The following PTPN22 variants were observed in gnomAD, a reference collection of about 807,000 sequenced individuals.
PTPN22 encodes the protein tyrosine-protein phosphatase non-receptor type 22.
Under a neutral mutation model 103.3 loss-of-function variants are expected in PTPN22, and 85 were observed. That is an observed-to-expected ratio of 0.82 (90% CI 0.69 to 0.99). The LOEUF is 0.99. Among genes scored for constraint, PTPN22 ranks in the 50% least tolerant of loss-of-function variants. PTPN22 has a pLI of 0.00. For synonymous variants in PTPN22, 323 were observed against 310.2 expected (o/e 1.04, Z -0.43); for missense variants, 865 against 936.9 (o/e 0.92, Z 1.00).
intron 1 of PTPN22, among the ~76,000 whole-genome samples, chr1:113,864,778 GAC>G: frequency 6.6e-6 from 1 of 152,252 alleles, no homozygotes; most frequent in East Asian, 1.9e-4. Flanking sequence ...CGGGCATGGT[GAC>G]ACACACCTGT....
chr1:113,822,590 T>C (rs1661702660), intron 19 of PTPN22, among the ~76,000 whole-genome samples: 1 of 152,148 alleles, frequency 6.6e-6, no homozygotes, highest in East Asian at 1.9e-4. Context: ...GTTCCCTCTA[T>C]CTGAAATACT....
exon 12 of PTPN22, chr1:113,838,560 G>A (rs1353430080): frequency 1.2e-6 from 2 of 1,612,550 alleles, no homozygotes; most frequent in African/African-American, 2.7e-5. Context: ...GGTAAATTAG[G>A]AGAATAAGAG....
At chr1:113,850,012 G>A (rs1288678654) in intron 10 of PTPN22, among the ~76,000 whole-genome samples, 1 of 151,914 alleles carries the variant, frequency 6.6e-6, no homozygotes, top group Non-Finnish European at 1.5e-5. Context: ...TGGCCAGCAT[G>A]GTGAAACCCC....
chr1:113,863,655 C>G lies in PTPN22; in HGVS notation c.88-4195G>C, dbSNP rs926931518. 3.9e-5 allele frequency among the ~76,000 whole-genome samples: 6 copies of G among 152,096 alleles called. No individual in the cohort carries two copies. In the East Asian group the frequency reaches 1.2e-3, roughly 29 times the overall value. On this transcript the variant is annotated intron_variant, in intron 1 of 20. Transcript: ENST00000359785. ...TTGTGCACTTGCTCTGTAGGAAGTA[C>G]CTTGTTGATAACTGTTTGGTTAGTA... is the stretch of plus-strand genomic sequence containing the variant.
chr1:113,827,932 A>T (rs1445780323), intron 18 of PTPN22, among the ~76,000 whole-genome samples: 1 of 152,194 alleles, frequency 6.6e-6, no homozygotes, highest in Admixed American at 6.5e-5. Context: ...AAACTTTTGG[A>T]ATTTACCATT....
intron 11 of PTPN22, among the ~76,000 whole-genome samples, chr1:113,848,072 A>T (rs1664251402): frequency 6.6e-6 from 1 of 151,962 alleles, no homozygotes; most frequent in Non-Finnish European, 1.5e-5. Flanking sequence ...TCTTTGAGAC[A>T]GGGTCTCACT....
Position 113,824,106 on chromosome 1 carries a change from C to CTT in PTPN22, c.2281+1034_2281+1035dup, listed in dbSNP as rs57935879. Among the ~76,000 whole-genome samples, 133 of 146,754 alleles carry CTT rather than the reference C, an allele frequency of 9.1e-4. 1 individual carries two copies. Among genetic ancestry groups the CTT allele is most frequent in the African/African-American group, 1.9e-3 (76 of 40,110 alleles). ...TTTTTTTAAGATTGTCACCATGGTTCTTTTTTTTTTTTTGAGACGGAGTCT... is the reference window on the plus strand; with the variant it reads ...TTTTTTTAAGATTGTCACCATGGTTCTTTTTTTTTTTTTTTGAGACGGAGTCT... On this transcript the variant is annotated intron_variant, in intron 19 of 20. Coordinates refer to ENST00000359785, the Ensembl canonical transcript of PTPN22.
chr1:113,865,377 A>G (rs1666035873), intron 1 of PTPN22, among the ~76,000 whole-genome samples: 1 of 151,666 alleles, frequency 6.6e-6, no homozygotes, highest in Non-Finnish European at 1.5e-5. Flanking sequence ...AGGCTTTGAA[A>G]AAAAACAGAC....
exon 13 of PTPN22, chr1:113,837,835 G>A: frequency 6.2e-6 from 10 of 1,613,660 alleles, no homozygotes; most frequent in Non-Finnish European, 8.5e-6. Context: ...TACACCAAGA[G>A]CACTAGAGTC....
chr1:113,827,809 C>T (rs865837410), intron 18 of PTPN22, among the ~76,000 whole-genome samples: 9 of 152,122 alleles, frequency 5.9e-5, no homozygotes, highest in South Asian at 4.2e-4. Flanking sequence ...TAGCAAGACC[C>T]CATCTCTAAT....
chr1:113,859,314 G>A, intron 2 of PTPN22, 38 bp downstream of exon 2: 1 of 1,577,574 alleles, frequency 6.3e-7, no homozygotes, highest in Non-Finnish European at 8.7e-7. Flanking sequence ...ATTGAATTTG[G>A]GAGAAAGTAT....
chr1:113,870,925 C>T (rs1188167280), intron 1 of PTPN22, among the ~76,000 whole-genome samples: 1 of 152,088 alleles, frequency 6.6e-6, no homozygotes, highest in Non-Finnish European at 1.5e-5. Context: ...CCCAGCTACT[C>T]AGGAGGCTGA....
intron 20 of PTPN22, among the ~76,000 whole-genome samples, chr1:113,815,744 T>C (rs1178317576): frequency 6.6e-6 from 1 of 152,202 alleles, no homozygotes; most frequent in Admixed American, 6.5e-5. Context: ...AGTGGCGCGA[T>C]CTCGGCCCAC....
intron 1 of PTPN22, among the ~76,000 whole-genome samples, chr1:113,863,759 T>G (rs1339663918): frequency 6.6e-6 from 1 of 152,110 alleles, no homozygotes; most frequent in Non-Finnish European, 1.5e-5. Flanking sequence ...ATCTTTGATA[T>G]GTCTCTGGTC....
chr1:113,824,625 A>C (rs1661889996), intron 19 of PTPN22, among the ~76,000 whole-genome samples: 2 of 152,178 alleles, frequency 1.3e-5, no homozygotes. Context: ...GACTATTTTC[A>C]AAGAAAATAC....
intron 12 of PTPN22, 48 bp from the exon 13 acceptor site, chr1:113,838,455 C>A (rs74163652): frequency 6.3e-7 from 1 of 1,585,424 alleles, no homozygotes; most frequent in Non-Finnish European, 8.6e-7. Context: ...CCAAACAGGC[C>A]GCTTCCTAGC....
chr1:113,865,773 T>C (rs552263985), intron 1 of PTPN22, among the ~76,000 whole-genome samples: 5 of 152,308 alleles, frequency 3.3e-5, no homozygotes, highest in African/African-American at 1.2e-4. Flanking sequence ...TCAATAATCA[T>C]GAAAAACTAG....
intron 15 of PTPN22, 125 bp from the exon 16 acceptor site, chr1:113,833,263 G>T: frequency 1.5e-6 from 1 of 651,616 alleles, no homozygotes; most frequent in Non-Finnish European, 2.4e-6. Context: ...ATGAAATGTA[G>T]ACCCTATTTT....
At chr1:113,814,225 G>C (rs894753795) in exon 21 of PTPN22, 1 of 152,174 alleles carries the variant, frequency 6.6e-6, no homozygotes, top group African/African-American at 2.4e-5. Context: ...CCAAAAGATA[G>C]CTATTATATT....
Sources: allele counts gnomAD v4.1 joint callset (sites outside exome capture counted in the v4.1 genomes callset), GRCh38; gene constraint gnomAD v4.1.1; transcripts MANE v1.5; gene names NCBI Gene and HGNC (gene_info 2026-07-23, HGNC 2026-07-21).